Variants in PARD3 observed in about 807,000 individuals in gnomAD.
The protein encoded by PARD3 is partitioning defective 3 homolog.
Under a neutral mutation model 155.4 loss-of-function variants are expected in PARD3, and 75 were observed. The observed-to-expected ratio is 0.48, with a 90% CI of 0.40 to 0.58. PARD3 has a LOEUF of 0.58. Among genes scored for constraint, PARD3 ranks in the 20% least tolerant of loss-of-function variants. The pLI is 0.00. For synonymous variants in PARD3, 576 were observed against 610.5 expected, an observed-to-expected ratio of 0.94 and a Z score of 0.83; for missense variants, 1,642 against 1,721.7, an observed-to-expected ratio of 0.95 and a Z score of 0.82.
rs78426971 is a variant in PARD3, at chr10:34,340,543, A to G, written c.2408+1084T>C. Among the ~76,000 whole-genome samples, 1,230 of 152,302 alleles carry G rather than the reference A, an allele frequency of 8.1e-3. 21 individuals carry two copies. Among genetic ancestry groups the G allele is most frequent in the African/African-American group, 0.028 (1,168 of 41,546 alleles). ...CTGTGCTTTCAAAAAGAGAATTTAA[A>G]AAGAAAGAAATGAAAAGCTAGAGAT... On this transcript the variant is annotated intron_variant, in intron 16 of 24. Transcript: ENST00000374788.
At chr10:34,148,458 T>C (rs1227214072) in intron 22 of PARD3, among the ~76,000 whole-genome samples, 2 of 152,232 alleles carry the variant, frequency 1.3e-5, no homozygotes, top group Non-Finnish European at 2.9e-5. Flanking sequence ...ACATTTTGTT[T>C]TGACATTATG....
chr10:34,169,983 C>A (rs965094351), intron 22 of PARD3, among the ~76,000 whole-genome samples: 15 of 152,212 alleles, frequency 9.9e-5, no homozygotes, highest in African/African-American at 3.4e-4. Flanking sequence ...CATGAGCTGA[C>A]AACACTAGAT....
intron 3 of PARD3, among the ~76,000 whole-genome samples, chr10:34,505,194 T>C (rs1292094570): frequency 2.0e-5 from 3 of 152,242 alleles, no homozygotes; most frequent in African/African-American, 7.2e-5. Flanking sequence ...TCTTAACATA[T>C]TCACAGCTAC....
intron 14 of PARD3, among the ~76,000 whole-genome samples, chr10:34,354,377 CAA>C (rs745511013): frequency 1.1e-4 from 13 of 121,008 alleles, no homozygotes; most frequent in Non-Finnish European, 1.1e-4. Flanking sequence ...GACTCTGTCT[CAA>C]AAAAAAAAAA....
At chr10:34,540,407 G>A (rs918295949) in intron 2 of PARD3, among the ~76,000 whole-genome samples, 2 of 151,916 alleles carry the variant, frequency 1.3e-5, no homozygotes, top group African/African-American at 2.4e-5. Context: ...AGGAAGGAAG[G>A]TGGATGGCGG....
chr10:34,158,816 T>C (rs1171669769), intron 22 of PARD3, among the ~76,000 whole-genome samples: 2 of 152,186 alleles, frequency 1.3e-5, no homozygotes, highest in African/African-American at 2.4e-5. Flanking sequence ...TTTTAATTAA[T>C]TGAAAGCTAA....
chr10:34,301,200 C>G (rs1478869066), intron 20 of PARD3, among the ~76,000 whole-genome samples: 1 of 152,144 alleles, frequency 6.6e-6, no homozygotes, highest in Non-Finnish European at 1.5e-5. Flanking sequence ...ACACCTGCAT[C>G]ATATAGAAAT....
chr10:34,297,564 C>T (rs148687713), intron 20 of PARD3, among the ~76,000 whole-genome samples: 1 of 152,200 alleles, frequency 6.6e-6, no homozygotes, highest in Non-Finnish European at 1.5e-5. Context: ...GGTAGCTACT[C>T]TAGTCTACCT....
chr10:34,560,888 C>T (rs755280178), intron 2 of PARD3, among the ~76,000 whole-genome samples: 1 of 152,200 alleles, frequency 6.6e-6, no homozygotes, highest in South Asian at 2.1e-4. Context: ...TGGAACTCAA[C>T]ATTTCCATGC....
intron 22 of PARD3, among the ~76,000 whole-genome samples, chr10:34,177,866 G>T (rs566096453): frequency 6.6e-6 from 1 of 152,154 alleles, no homozygotes; most frequent in African/African-American, 2.4e-5. Flanking sequence ...TCTGCTGCAC[G>T]TGTGTTTCTT....
At chr10:34,535,437 GA>G (rs2083156053) in intron 2 of PARD3, among the ~76,000 whole-genome samples, 1 of 152,128 alleles carries the variant, frequency 6.6e-6, no homozygotes, top group African/African-American at 2.4e-5. Flanking sequence ...CCATGACGAA[GA>G]ACAGTAACAC....
At chr10:34,673,014 T>C (rs1254882243) in intron 2 of PARD3, among the ~76,000 whole-genome samples, 2 of 152,228 alleles carry the variant, frequency 1.3e-5, no homozygotes, top group South Asian at 4.1e-4. Flanking sequence ...CTATATGTAC[T>C]TCATTTCTCT....
intron 2 of PARD3, among the ~76,000 whole-genome samples, chr10:34,687,013 C>T (rs567663223): frequency 1.3e-5 from 2 of 152,104 alleles, no homozygotes; most frequent in Admixed American, 6.5e-5. Context: ...AGCGCCACTG[C>T]ACTCCAGTCC....
intron 22 of PARD3, among the ~76,000 whole-genome samples, chr10:34,256,280 G>C (rs1302240922): frequency 6.6e-6 from 1 of 152,178 alleles, no homozygotes; most frequent in Non-Finnish European, 1.5e-5. Context: ...TCATGAACTT[G>C]GTGTTCACCA....
chr10:34,625,994 T>C (rs1353022746), intron 2 of PARD3, among the ~76,000 whole-genome samples: 1 of 152,220 alleles, frequency 6.6e-6, no homozygotes, highest in African/African-American at 2.4e-5. Context: ...TCAAAAGAGA[T>C]GCCGAGACCT....
intron 2 of PARD3, among the ~76,000 whole-genome samples, chr10:34,612,384 G>A (rs1291571631): frequency 6.6e-6 from 1 of 152,126 alleles, no homozygotes; most frequent in Non-Finnish European, 1.5e-5. Flanking sequence ...TCTTTAGGAA[G>A]AGGACAACCA....
intron 12 of PARD3, among the ~76,000 whole-genome samples, chr10:34,360,592 A>G (rs1839349764): frequency 1.3e-5 from 2 of 152,216 alleles, no homozygotes; most frequent in Non-Finnish European, 2.9e-5. Context: ...ATTCTAAACG[A>G]CAAGAAAAAC....
chr10:34,550,007 C>A (rs2133958958), intron 2 of PARD3, among the ~76,000 whole-genome samples: 1 of 152,256 alleles, frequency 6.6e-6, no homozygotes, highest in Middle Eastern at 3.4e-3. Context: ...CTGCTTTAAT[C>A]ACCAAGAGCC....
chr10:34,579,351 C>T (rs1480035116), intron 2 of PARD3, among the ~76,000 whole-genome samples: 1 of 152,066 alleles, frequency 6.6e-6, no homozygotes, highest in Admixed American at 6.6e-5. Flanking sequence ...CTAAGCACTA[C>T]CTTGCGTGAG....
Sources: allele counts gnomAD v4.1 joint callset (sites outside exome capture counted in the v4.1 genomes callset), GRCh38; gene constraint gnomAD v4.1.1; transcripts MANE v1.5; gene names NCBI Gene and HGNC (gene_info 2026-07-23, HGNC 2026-07-21).